The following MMUT variants were observed in gnomAD, a reference collection of about 807,000 sequenced individuals.
MMUT encodes methylmalonyl-CoA mutase.
Under a neutral mutation model 79.9 loss-of-function variants are expected in MMUT, and 79 were observed. The ratio of observed to expected loss-of-function variants is 0.99; its 90% CI spans 0.82 to 1.19. The LOEUF (loss-of-function observed/expected upper bound fraction) is 1.19. MMUT is among the 50% of genes most tolerant of loss of function. The probability of loss-of-function intolerance (pLI) is 0.00; values close to 1 mark genes in which losing one functional copy is unlikely to be tolerated. For synonymous variants in MMUT, 273 were observed against 295.7 expected, an observed-to-expected ratio of 0.92 and a Z score of 0.79; for missense variants, 860 against 917.2, an observed-to-expected ratio of 0.94 and a Z score of 0.81.
chr6:49,448,429 T>C (rs1767464185), intron 7 of MMUT, among the ~76,000 whole-genome samples: 1 of 152,046 alleles, frequency 6.6e-6, no homozygotes, highest in South Asian at 2.1e-4. Flanking sequence ...GTCATGTCTG[T>C]CCTGTTCACA....
intron 1 of MMUT, among the ~76,000 whole-genome samples, chr6:49,461,942 G>T (rs779187226): frequency 6.6e-6 from 1 of 151,878 alleles, no homozygotes; most frequent in Non-Finnish European, 1.5e-5. Context: ...TAGTAATCCT[G>T]TAAAAGGTAA....
chr6:49,462,407 T>C (rs988129030), intron 1 of MMUT, among the ~76,000 whole-genome samples: 1 of 152,150 alleles, frequency 6.6e-6, no homozygotes, highest in Non-Finnish European at 1.5e-5. Flanking sequence ...GATGGAAACA[T>C]AGGGCATGAA....
chr6:49,443,900 AT>A, intron 9 of MMUT: 1 of 359,982 alleles, frequency 2.8e-6, no homozygotes, highest in South Asian at 2.1e-5. Context: ...ACAAAGGAGC[AT>A]GTTAAGGGTT....
intron 1 of MMUT, among the ~76,000 whole-genome samples, chr6:49,461,169 G>A (rs901026218): frequency 1.3e-5 from 2 of 152,148 alleles, no homozygotes; most frequent in Admixed American, 6.5e-5. Flanking sequence ...CAGAAGAATG[G>A]TTACTTAATG....
chr6:49,447,908 C>T, intron 7 of MMUT, 123 bp from the exon 8 acceptor site: 1 of 652,474 alleles, frequency 1.5e-6, no homozygotes, highest in Non-Finnish European at 2.7e-6. Context: ...CTTAATGCAA[C>T]TTCAATATAG....
At position 49,453,109 on chromosome 6, in the gene MMUT, T is replaced by C. The variant is rs11962067; in HGVS notation, c.1083+476A>G. ...CAGGCTGGAGTGCAGTGGCGTCATC[T>C]TGGCTCACTGCAACCTCCGATTCCC... On this transcript the variant is annotated intron_variant, in intron 5 of 12. Coordinates refer to ENST00000274813, the MANE Select transcript of MMUT (RefSeq NM_000255.4). 1.5e-4 allele frequency among the ~76,000 whole-genome samples: 22 copies of C among 150,030 alleles called. 1 individual carries two copies. The highest frequency in any genetic ancestry group is 4.7e-4 in the Admixed American group (7 of 14,892).
chr6:49,431,918 C>T (rs925212279), intron 12 of MMUT, 62 bp from the exon 13 acceptor site: 1 of 1,558,912 alleles, frequency 6.4e-7, no homozygotes, highest in African/African-American at 1.4e-5. Flanking sequence ...GAAATAAAAC[C>T]CTATCCTTTC....
Position 49,459,131 on chromosome 6 carries a change from A to C in MMUT, c.336T>G (p.Gly112=). 1 of 1,614,142 alleles carries C rather than the reference A, an allele frequency of 6.2e-7. No homozygotes were observed. Residue 112 remains glycine (G), a synonymous_variant, in exon 2 of 13, where the codon GGT becomes GGG. Coordinates refer to ENST00000274813, the MANE Select transcript of MMUT (RefSeq NM_000255.4). ...FRPWTIRQYA[G]FSTVEESNKF... is the part of the protein sequence containing the mutation. ...TATTGCTTTCTTCCACAGTACTAAA[A>C]CCAGCATACTGGCGGATGGTCCAGG...
At position 49,447,684 on chromosome 6, in the gene MMUT, C is replaced by T; in HGVS notation, c.1546G>A (p.Glu516Lys). The T allele has an allele frequency of 6.4e-7, 1 of 1,569,842 alleles. No individual in the cohort carries two copies. Among genetic ancestry groups the T allele is most frequent in the Non-Finnish European group, 8.7e-7 (1 of 1,145,548 alleles). Reference sequence around the variant, plus strand: ...GCTATTAATACCTTCTTAAGTTTTTCAATCTGCCTGTTTCGCACTGAAGTA... The same window carrying T: ...GCTATTAATACCTTCTTAAGTTTTTTAATCTGCCTGTTTCGCACTGAAGTA... ...DNTSVRNRQIEKLKKIKSSRD... is the reference protein window; with the variant it reads ...DNTSVRNRQIKKLKKIKSSRD... Residue 516 changes from glutamate (E) to lysine (K), a missense_variant, in exon 8 of 13, where the codon GAA becomes AAA. Physicochemically the swap from Glu to Lys is moderately conservative, Grantham distance 56. Coordinates refer to ENST00000274813, the MANE Select transcript of MMUT (RefSeq NM_000255.4).
chr6:49,447,751 C>T lies in MMUT; in HGVS notation c.1479G>A (p.Gln493=). ...CTTCTACAGCGTCTTCTTTTTCCAA[C>T]TGGTACTTATTTACTCCAACAATTA... is the stretch of plus-strand genomic sequence containing the variant. ...SEVIVGVNKY[Q]LEKEDAVEVL... The change falls in exon 8 of 13, where the codon CAG becomes CAA. Residue 493 remains glutamine, a synonymous_variant. Coordinates refer to ENST00000274813, the MANE Select transcript of MMUT (RefSeq NM_000255.4). The T allele has an allele frequency of 6.2e-7, 1 of 1,610,964 alleles. No individual in the cohort carries two copies. Among genetic ancestry groups the T allele is most frequent in the African/African-American group, 1.3e-5 (1 of 74,874 alleles).
intron 6 of MMUT, among the ~76,000 whole-genome samples, chr6:49,450,657 C>G (rs1049487097): frequency 2.0e-5 from 3 of 152,082 alleles, no homozygotes; most frequent in African/African-American, 7.2e-5. Flanking sequence ...CTTAGTCAGG[C>G]TATTAATCAA....
chr6:49,441,524 T>C (rs1443268718), intron 10 of MMUT, among the ~76,000 whole-genome samples: 1 of 151,042 alleles, frequency 6.6e-6, no homozygotes, highest in East Asian at 1.9e-4. Context: ...GTATTAATTA[T>C]ATGAAAACTA....
At chr6:49,436,393 G>A (rs193034041) in intron 11 of MMUT, among the ~76,000 whole-genome samples, 1 of 152,128 alleles carries the variant, frequency 6.6e-6, no homozygotes, top group East Asian at 1.9e-4. Context: ...ATCACTTGAG[G>A]TCATGAGTTC....
At chr6:49,433,756 C>A (rs1767049540) in intron 12 of MMUT, among the ~76,000 whole-genome samples, 2 of 152,140 alleles carry the variant, frequency 1.3e-5, no homozygotes, top group African/African-American at 4.8e-5. Context: ...GATATTAGTG[C>A]CTTCTAATTT....
chr6:49,433,404 T>C (rs1561949614), intron 12 of MMUT, among the ~76,000 whole-genome samples: 1 of 152,226 alleles, frequency 6.6e-6, no homozygotes, highest in Non-Finnish European at 1.5e-5. Flanking sequence ...CCTTGTAAAA[T>C]ATACCTTTGT....
intron 4 of MMUT, among the ~76,000 whole-genome samples, chr6:49,455,099 A>G (rs1281590457): frequency 6.6e-6 from 1 of 152,042 alleles, no homozygotes; most frequent in Non-Finnish European, 1.5e-5. Flanking sequence ...CATTAGTAAC[A>G]TTTCTTATGA....
At chr6:49,449,044 TTAA>T (rs1687784831) in intron 6 of MMUT, 117 bp from the exon 7 acceptor site, 1 of 550,670 alleles carries the variant, frequency 1.8e-6, no homozygotes, top group African/African-American at 2.0e-5. Flanking sequence ...AAACTAAATG[TTAA>T]TGTTTCATAA....
At chr6:49,461,802 T>G (rs770997008) in intron 1 of MMUT, among the ~76,000 whole-genome samples, 23 of 152,168 alleles carry the variant, frequency 1.5e-4, no homozygotes, top group Non-Finnish European at 2.9e-4. Flanking sequence ...ATTTTTTTAA[T>G]ACTAGCACGA....
At position 49,456,113 on chromosome 6, in the gene MMUT, T is replaced by G. The variant is rs138374956; in HGVS notation, c.878A>C (p.Gln293Pro). 1.2e-6 allele frequency: 2 copies of G among 1,613,636 alleles called. No individual in the cohort carries two copies. Among genetic ancestry groups the G allele is most frequent in the African/African-American group, 2.7e-5 (2 of 74,924 alleles). Residue 293 changes from glutamine (Q) to proline (P), a missense_variant, in exon 4 of 13, where the codon CAG (glutamine) becomes CCG (proline). Transcript: ENST00000274813. The stretch of plus-strand genomic sequence containing the variant: ...AAATTCATCAATTGTCAGGCCAGCC[T>G]GGAGTCCAGTTCTAGAGTACTCCAA... Reference protein sequence around the residue: ...DGLEYSRTGLQAGLTIDEFAP... With the variant: ...DGLEYSRTGLPAGLTIDEFAP...
Sources: gnomAD v4.1 joint callset for allele counts (sites outside exome capture counted in the v4.1 genomes callset) on GRCh38, gnomAD v4.1.1 for gene constraint, MANE v1.5 for transcripts, NCBI Gene and HGNC (gene_info 2026-07-23, HGNC 2026-07-21) for gene names.